Variants in LRWD1 observed in about 807,000 individuals in gnomAD.
The protein encoded by LRWD1 is leucine-rich repeat and WD repeat-containing protein 1.
LRWD1 carries 76 observed loss-of-function variants against 75.6 expected under a neutral mutation model. The observed-to-expected ratio is 1.01, with a 90% CI of 0.84 to 1.22. The LOEUF (loss-of-function observed/expected upper bound fraction) is 1.22. Ranked by LOEUF, LRWD1 falls within the 50% of genes most tolerant of loss-of-function variation. The pLI, the probability that LRWD1 is intolerant of heterozygous loss-of-function variation, is 0.00. For missense variants in LRWD1, 917 were observed against 862.0 expected (o/e 1.06, Z -0.80); for synonymous variants, 487 against 377.0 (o/e 1.29, Z -3.38).
Position 102,465,896 on chromosome 7 carries a change from C to G in LRWD1, c.160C>G (p.Leu54Val). The G allele has an allele frequency of 3.1e-6, 5 of 1,613,702 alleles. No individual in the cohort carries two copies. Among genetic ancestry groups the G allele is most frequent in the Non-Finnish European group, 4.2e-6 (5 of 1,180,004 alleles). The change falls in exon 2 of 15, where the codon CTG becomes GTG. Residue 54 changes from leucine (L) to valine (V), a missense_variant. By Grantham distance (32) the Leu-to-Val change is conservative. Coordinates refer to ENST00000292616, the MANE Select transcript of LRWD1 (RefSeq NM_152892.3). ...CRLTQLQELD[L>V]SNNHLETLPD... ...CCTGACGCAGCTGCAGGAGCTTGAC[C>G]TGTCTAACAACCACCTGGAGACGCT...
Position 102,468,304 on chromosome 7 carries a change from C to T in LRWD1, c.846C>T (p.His282=), listed in dbSNP as rs1798076538. The T allele has an allele frequency of 1.2e-6, 2 of 1,612,498 alleles. No homozygotes were observed. The highest frequency in any genetic ancestry group is 1.7e-6 in the Non-Finnish European group (2 of 1,179,542). The part of the protein sequence containing the change: ...KLEPLHFLQC[H]SKNNSPQDLE... ...AGCCCCTGCACTTCCTGCAGTGCCACAGCAAGAACAACAGCCCCCAGGACC... is the reference window on the plus strand; with the variant it reads ...AGCCCCTGCACTTCCTGCAGTGCCATAGCAAGAACAACAGCCCCCAGGACC... The change falls in exon 7 of 15, where the codon CAC becomes CAT. Residue 282 remains histidine (H), a synonymous_variant. Transcript: ENST00000292616.
At chr7:102,472,845 G>A (rs1277459434) in intron 14 of LRWD1, 41 bp downstream of exon 14, 1 of 1,611,676 alleles carries the variant, frequency 6.2e-7, no homozygotes. Context: ...GGCTGGCAAG[G>A]CATCAGGGGC....
In LRWD1 at chr7:102,473,038, G is replaced by A; in HGVS notation, c.1933G>A (p.Gly645Arg). 6.2e-7 allele frequency: 1 copy of A among 1,613,534 alleles called. No individual in the cohort carries two copies. Among genetic ancestry groups the A allele is most frequent in the Non-Finnish European group, 8.5e-7 (1 of 1,179,648 alleles). ...GGACTCCAACATCGTAGCCATCTGGGGGAGGATGTAGCCTCACACCATCGC... is the reference window on the plus strand; with the variant it reads ...GGACTCCAACATCGTAGCCATCTGGAGGAGGATGTAGCCTCACACCATCGC... ...LTDSNIVAIW[G>R]RM The change falls in exon 15 of 15, where the codon GGG (glycine) becomes AGG (arginine). Residue 645 changes from glycine (G) to arginine (R), a missense_variant. Gly to Arg is a moderately radical substitution (Grantham distance 125). Coordinates refer to ENST00000292616, the MANE Select transcript of LRWD1 (RefSeq NM_152892.3).
rs747497615 is a variant in LRWD1, at chr7:102,469,041, G to A, written c.1207G>A (p.Ala403Thr). 7 of 1,608,660 alleles carry A rather than the reference G, an allele frequency of 4.4e-6. No individual in the cohort carries two copies. Among genetic ancestry groups the A allele is most frequent in the Non-Finnish European group, 5.9e-6 (7 of 1,177,840 alleles). ...KAIATLCFSP[A>T]HETHLFTASY... ...CATCGCCACCCTGTGCTTCAGCCCC[G>A]CCCACGAGACCCATCTCTTCAGTAA... The change falls in exon 9 of 15, where the codon GCC (alanine) becomes ACC (threonine). Residue 403 changes from alanine (A) to threonine (T), a missense_variant. Coordinates refer to ENST00000292616, the MANE Select transcript of LRWD1 (RefSeq NM_152892.3).
In LRWD1 at chr7:102,472,199, A is replaced by C; in HGVS notation, c.1443-19A>C. ...TATCTGCAAGGAATGGCCAACTAGC[A>C]TCTCGTGCTGCCCCACAGGGTGTGT... On this transcript the variant is annotated intron_variant, in intron 11 of 14. Coordinates refer to ENST00000292616, the MANE Select transcript of LRWD1 (RefSeq NM_152892.3). 1 of 1,574,664 alleles carries C rather than the reference A, an allele frequency of 6.4e-7. No homozygotes were observed. The highest frequency in any genetic ancestry group is 2.3e-5 in the East Asian group (1 of 43,278).
Position 102,468,636 on chromosome 7 carries a change from G to A in LRWD1, c.1002G>A (p.Lys334=), listed in dbSNP as rs1430070344. The change falls in exon 8 of 15, where the codon AAG becomes AAA. Residue 334 remains lysine (K), a synonymous_variant. Coordinates refer to ENST00000292616, the MANE Select transcript of LRWD1 (RefSeq NM_152892.3). ...IDCQTGIVLH[K]YKAPGEEFFS... is the part of the protein sequence containing the mutation. ...GCCAGACGGGCATCGTGCTCCACAA[G>A]TACAAGGCACCCGGCGAGGTGAGTG... The A allele has an allele frequency of 6.4e-7, 1 of 1,571,726 alleles. No individual in the cohort carries two copies. Among genetic ancestry groups the A allele is most frequent in the Non-Finnish European group, 8.6e-7 (1 of 1,158,448 alleles).
In LRWD1 at chr7:102,466,146, T is replaced by A. The variant is rs370512358; in HGVS notation, c.316-8T>A. 1.2e-6 allele frequency: 2 copies of A among 1,613,642 alleles called. No homozygotes were observed. Among genetic ancestry groups the A allele is most frequent in the African/African-American group, 2.7e-5 (2 of 74,936 alleles). ...CTGAGCCACTGCTCTTCACCCTCTC[T>A]TCCCCAGGTCAATGACAACCTGAAA... On this transcript the variant is annotated splice_polypyrimidine_tract_variant and splice_region_variant and intron_variant, in intron 2 of 14. Coordinates refer to ENST00000292616, the MANE Select transcript of LRWD1 (RefSeq NM_152892.3).
At chr7:102,468,743 G>C in intron 8 of LRWD1, 89 bp downstream of exon 8, 2 of 1,521,850 alleles carry the variant, frequency 1.3e-6, no homozygotes, top group African/African-American at 1.4e-5. Context: ...TCGGCCCCCT[G>C]CCCCATGGCC....
chr7:102,465,091 T>C lies in LRWD1; in HGVS notation c.11T>C (p.Leu4Pro). 6.7e-7 allele frequency: 1 copy of C among 1,497,070 alleles called. No individual in the cohort carries two copies. Among genetic ancestry groups the C allele is most frequent in the East Asian group, 2.9e-5 (1 of 34,508 alleles). 92.7% of individuals were successfully genotyped at this position (1,497,070 alleles called of 1,614,324 possible). Reference sequence around the variant, plus strand: ...CTGCGCCTCCTCGCCATGGGCCCCCTCTCGGCGCGGCTGCTAATGCAGCGC... The same window carrying C: ...CTGCGCCTCCTCGCCATGGGCCCCCCCTCGGCGCGGCTGCTAATGCAGCGC... MGP[L>P]SARLLMQRGR... The change falls in exon 1 of 15, where the codon CTC becomes CCC. Residue 4 changes from leucine (L) to proline (P), a missense_variant. Transcript: ENST00000292616.
chr7:102,466,109 G>A (rs1330620748), intron 2 of LRWD1, 45 bp from the exon 3 acceptor site: 1 of 1,612,820 alleles, frequency 6.2e-7, no homozygotes, highest in Middle Eastern at 1.7e-4. Flanking sequence ...TTGGGCTCAG[G>A]CTCAGCATCT....
chr7:102,472,969 A>G lies in LRWD1; in HGVS notation c.1864A>G (p.Thr622Ala). The G allele has an allele frequency of 6.2e-7, 1 of 1,614,030 alleles. No homozygotes were observed. Among genetic ancestry groups the G allele is most frequent in the Non-Finnish European group, 8.5e-7 (1 of 1,179,978 alleles). ...GGTGGTGACCAAGACCATGGTGAAC[A>G]CAGTGGTGGCCAATGCCTCCTTCAC... ...GQVVTKTMVNTVVANASFTYL... is the reference protein window; with the variant it reads ...GQVVTKTMVNAVVANASFTYL... Residue 622 changes from threonine to alanine, a missense_variant, in exon 15 of 15, where the codon ACA (threonine) becomes GCA (alanine). By Grantham distance (58) the Thr-to-Ala change is moderately conservative. Transcript: ENST00000292616.
At chr7:102,465,343 T>A (rs1437297370) in intron 1 of LRWD1, among the ~76,000 whole-genome samples, 183 bp downstream of exon 1, 1 of 152,156 alleles carries the variant, frequency 6.6e-6, no homozygotes, top group Non-Finnish European at 1.5e-5. Context: ...CCGAGGGGCC[T>A]CATCCCCTGA....
intron 11 of LRWD1, 152 bp downstream of exon 11, chr7:102,470,034 GC>G: frequency 1.0e-6 from 1 of 1,003,002 alleles, no homozygotes; most frequent in Non-Finnish European, 1.4e-6. Context: ...CCACCTTTCT[GC>G]CAGGCTCTGG....
Position 102,467,171 on chromosome 7 carries a change from G to GTGTGTATGTGTGT in LRWD1, c.433-168_433-167insTGTGTATGTGTGT, listed in dbSNP as rs1554579596. 5.7e-4 allele frequency among the ~76,000 whole-genome samples: 57 copies of GTGTGTATGTGTGT among 99,148 alleles called. 4 individuals carry two copies. Among genetic ancestry groups the GTGTGTATGTGTGT allele is most frequent in the African/African-American group, 2.4e-3 (55 of 22,812 alleles). The allele number at this position is 99,148 out of a possible 152,430, so 65.0% of individuals were successfully genotyped here. A position where few individuals can be genotyped will look rare whatever the true frequency, so the allele number is the denominator to read the frequency against. The stretch of plus-strand genomic sequence containing the variant: ...TGGGTTGTTGCTGGGGTGTGTGTGG[G>GTGTGTATGTGTGT]GTGTGTGTGTGTGTGTGTGTGTGTG... On this transcript the variant is annotated intron_variant, in intron 3 of 14. Transcript: ENST00000292616.
rs760415386 is a variant in LRWD1 at position 102,472,355 on chromosome 7, G to T, written c.1534+46G>T. 1.4e-5 allele frequency: 21 copies of T among 1,553,108 alleles called. No individual in the cohort carries two copies. The South Asian group carries it at 2.3e-4, about 17-fold the overall frequency. On this transcript the variant is annotated intron_variant, in intron 12 of 14. Transcript: ENST00000292616. ...GGACAGCCTGGCCTCCGGGCACACA[G>T]ATGGACCGCTTGTCCCTGGGCTAGG... is the stretch of plus-strand genomic sequence containing the variant.
rs201606462 is a variant in LRWD1 at position 102,471,396 on chromosome 7, AAAC to A, written c.1443-820_1443-818del. 851 of 154,526 alleles carry A rather than the reference AAAC, an allele frequency of 5.5e-3. 9 individuals carry two copies. Among genetic ancestry groups the A allele is most frequent in the African/African-American group, 0.019 (801 of 41,638 alleles). 9.6% of individuals were successfully genotyped at this position (154,526 alleles called of 1,614,324 possible). On this transcript the variant is annotated intron_variant, in intron 11 of 14. Coordinates refer to ENST00000292616, the MANE Select transcript of LRWD1 (RefSeq NM_152892.3). Reference sequence around the variant, plus strand: ...TTTGGATTTTTAGCTTACCTACAACAAACAGCCCAGGAGGAGCTTCGACACAGC... The same window carrying A: ...TTTGGATTTTTAGCTTACCTACAACAAGCCCAGGAGGAGCTTCGACACAGC...
Position 102,469,613 on chromosome 7 carries a change from G to A in LRWD1, c.1268G>A (p.Gly423Glu). ...YDKRIILWDIGVPNQDYEFQA... is the reference protein window; with the variant it reads ...YDKRIILWDIEVPNQDYEFQA... Reference sequence around the variant, plus strand: ...AAGCGGATCATCCTCTGGGACATCGGGGTGCCCAACCAGGACTACGAATTC... The same window carrying A: ...AAGCGGATCATCCTCTGGGACATCGAGGTGCCCAACCAGGACTACGAATTC... The change falls in exon 10 of 15, where the codon GGG becomes GAG. Residue 423 changes from glycine to glutamate, a missense_variant. By Grantham distance (98) the Gly-to-Glu change is moderately conservative (BLOSUM62 -2). Coordinates refer to ENST00000292616, the MANE Select transcript of LRWD1 (RefSeq NM_152892.3). 6.2e-7 allele frequency: 1 copy of A among 1,614,180 alleles called. No homozygotes were observed. The highest frequency in any genetic ancestry group is 1.1e-5 in the South Asian group (1 of 91,090).
In LRWD1 at chr7:102,469,010, G is replaced by A; in HGVS notation, c.1176G>A (p.Lys392=). 1.2e-6 allele frequency: 2 copies of A among 1,612,568 alleles called. No homozygotes were observed. The highest frequency in any genetic ancestry group is 1.7e-6 in the Non-Finnish European group (2 of 1,179,654). The part of the protein sequence containing the change: ...GFCCGVIRAH[K]KAIATLCFSP... ...GCTGCGGGGTCATCCGAGCCCACAA[G>A]AAGGCCATCGCCACCCTGTGCTTCA... Residue 392 remains lysine (K), a synonymous_variant, in exon 9 of 15, where the codon AAG becomes AAA. Coordinates refer to ENST00000292616, the MANE Select transcript of LRWD1 (RefSeq NM_152892.3).
rs769670385 is a variant in LRWD1 at position 102,468,257 on chromosome 7, C to G, written c.805-6C>G. On this transcript the variant is annotated splice_region_variant and splice_polypyrimidine_tract_variant and intron_variant, in intron 6 of 14. Coordinates refer to ENST00000292616, the MANE Select transcript of LRWD1 (RefSeq NM_152892.3). ...GGGCAGCTGTGACCCTTCTCTCCCC[C>G]CACAGCCTGCTGTGAAGCTGGAGCC... 16 of 1,605,208 alleles carry G rather than the reference C, an allele frequency of 1.0e-5. No homozygotes were observed. Among genetic ancestry groups the G allele is most frequent in the Non-Finnish European group, 1.2e-5 (14 of 1,176,668 alleles).
Sources: gnomAD v4.1 joint callset for allele counts (sites outside exome capture counted in the v4.1 genomes callset) on GRCh38, gnomAD v4.1.1 for gene constraint, MANE v1.5 for transcripts, NCBI Gene and HGNC (gene_info 2026-07-23, HGNC 2026-07-21) for gene names.